Variants in TYW1 observed in about 807,000 individuals in gnomAD.
The protein encoded by TYW1 is S-adenosyl-L-methionine-dependent tRNA 4-demethylwyosine synthase TYW1.
In TYW1, 46 loss-of-function variants were observed where a neutral mutation model predicts 96.2. The observed-to-expected ratio is 0.48, with a 90% CI of 0.38 to 0.61. The LOEUF is 0.61. Among genes scored for constraint, TYW1 ranks in the 20% least tolerant of loss-of-function variants. The pLI is 0.00. For synonymous variants in TYW1, 274 were observed against 323.0 expected (o/e 0.85, Z 1.63); for missense variants, 684 against 909.6 (o/e 0.75, Z 3.19).
intron 3 of TYW1, among the ~76,000 whole-genome samples, chr7:67,000,026 C>T (rs1793325312): frequency 6.6e-6 from 1 of 151,876 alleles, no homozygotes; most frequent in Non-Finnish European, 1.5e-5. Flanking sequence ...ACCTCTGCCT[C>T]TCGGGCTCAA....
intron 14 of TYW1, among the ~76,000 whole-genome samples, chr7:67,193,759 C>CAAAAAAA (rs35069275): frequency 8.6e-6 from 1 of 116,178 alleles, no homozygotes; most frequent in Non-Finnish European, 1.8e-5. Flanking sequence ...GACTCTGTCT[C>CAAAAAAA]AAAAAAAAAA....
chr7:67,004,589 T>G (rs1161150465), intron 3 of TYW1, among the ~76,000 whole-genome samples: 1 of 152,246 alleles, frequency 6.6e-6, no homozygotes, highest in African/African-American at 2.4e-5. Flanking sequence ...CTTTTTATGG[T>G]GGCCCATAAC....
chr7:67,094,710 A>C (rs1584552917), intron 11 of TYW1, among the ~76,000 whole-genome samples: 1 of 151,474 alleles, frequency 6.6e-6, no homozygotes, highest in Non-Finnish European at 1.5e-5. Context: ...GCTGACACCA[A>C]TACCTTAACT....
chr7:67,090,689 C>T (rs191349587), intron 11 of TYW1, among the ~76,000 whole-genome samples: 216 of 152,102 alleles, frequency 1.4e-3, no homozygotes, highest in African/African-American at 4.7e-3. Context: ...TGTGCATGTG[C>T]GTGTATGTGT....
chr7:67,233,905 G>A lies in TYW1; in HGVS notation c.1978-4403G>A, dbSNP rs1191814355. On this transcript the variant is annotated intron_variant, in intron 15 of 15. Transcript: ENST00000359626. ...ACTTACTCTTAAGGACTGAATGTTT[G>A]TGGCCCCCCTCCCCTCCCAAGTTCA... Among the ~76,000 whole-genome samples the A allele has an allele frequency of 4.4e-5, 6 of 135,846 alleles. No homozygotes were observed. The East Asian group carries it at 1.2e-3, about 27-fold the overall frequency. 89.1% of individuals were successfully genotyped at this position (135,846 alleles called of 152,430 possible). A position where few individuals can be genotyped will look rare whatever the true frequency, so the allele number is the denominator to read the frequency against.
At chr7:67,053,943 A>G (rs957285180) in intron 8 of TYW1, among the ~76,000 whole-genome samples, 3 of 152,192 alleles carry the variant, frequency 2.0e-5, no homozygotes, top group African/African-American at 7.2e-5. Flanking sequence ...TCCAAACTCA[A>G]GAGTCCACTG....
intron 15 of TYW1, among the ~76,000 whole-genome samples, chr7:67,210,288 G>T (rs988834944): frequency 6.6e-5 from 10 of 152,152 alleles, no homozygotes; most frequent in African/African-American, 2.4e-4. Context: ...GAATTTTTAG[G>T]AGGAAGATCA....
chr7:67,233,774 C>T (rs1218513072), intron 15 of TYW1, among the ~76,000 whole-genome samples: 1 of 136,048 alleles, frequency 7.4e-6, no homozygotes, highest in East Asian at 2.0e-4. Flanking sequence ...TTGATTTTTT[C>T]TGAGCTGTGA....
intron 13 of TYW1, among the ~76,000 whole-genome samples, chr7:67,150,469 T>C (rs1198153547): frequency 2.0e-5 from 3 of 152,208 alleles, no homozygotes; most frequent in Non-Finnish European, 4.4e-5. Flanking sequence ...AACATCTGTG[T>C]GATAGGGGAA....
intron 6 of TYW1, among the ~76,000 whole-genome samples, chr7:67,023,825 C>T (rs756412746): frequency 6.6e-6 from 1 of 152,136 alleles, no homozygotes; most frequent in Non-Finnish European, 1.5e-5. Flanking sequence ...ACGTTTTATT[C>T]TGCCTTATCC....
intron 13 of TYW1, among the ~76,000 whole-genome samples, chr7:67,171,454 G>A (rs1386725624): frequency 6.6e-6 from 1 of 151,948 alleles, no homozygotes; most frequent in African/African-American, 2.4e-5. Flanking sequence ...CTAGGTCTTG[G>A]AGGAGAGTTA....
chr7:67,059,096 GTTTT>G (rs557933957), intron 9 of TYW1, among the ~76,000 whole-genome samples: 4 of 124,592 alleles, frequency 3.2e-5, no homozygotes, highest in African/African-American at 2.9e-5. Context: ...TGAAGACAAA[GTTTT>G]TTTTTTTTTT....
At chr7:67,225,107 C>G (rs2116429127) in intron 15 of TYW1, among the ~76,000 whole-genome samples, 1 of 149,046 alleles carries the variant, frequency 6.7e-6, no homozygotes, top group East Asian at 2.0e-4. Context: ...TGGAAAATCA[C>G]TTGAACCCAG....
intron 15 of TYW1, among the ~76,000 whole-genome samples, chr7:67,207,877 T>A: frequency 6.6e-6 from 1 of 152,014 alleles, no homozygotes; most frequent in Non-Finnish European, 1.5e-5. Context: ...CCTGACACCA[T>A]GCCCAGCTAT....
At chr7:67,145,850 G>T (rs542576757) in intron 13 of TYW1, among the ~76,000 whole-genome samples, 1 of 152,180 alleles carries the variant, frequency 6.6e-6, no homozygotes, top group South Asian at 2.1e-4. Flanking sequence ...TGCCTCCTGG[G>T]CTTAAGCAAT....
At chr7:67,139,792 T>C (rs1344133569) in intron 13 of TYW1, among the ~76,000 whole-genome samples, 1 of 149,722 alleles carries the variant, frequency 6.7e-6, no homozygotes, top group Non-Finnish European at 1.5e-5. Flanking sequence ...TAAATTCAGG[T>C]CCTCAAACTG....
intron 9 of TYW1, among the ~76,000 whole-genome samples, chr7:67,059,325 G>T (rs372861346): frequency 2.0e-5 from 3 of 151,214 alleles, no homozygotes; most frequent in African/African-American, 7.3e-5. Flanking sequence ...GGATGGTCTC[G>T]ATCTCCTGAC....
chr7:67,141,793 T>C (rs1798458670), intron 13 of TYW1, among the ~76,000 whole-genome samples: 1 of 152,198 alleles, frequency 6.6e-6, no homozygotes. Context: ...CCCGGCACTT[T>C]GGGAGGCCAA....
intron 4 of TYW1, among the ~76,000 whole-genome samples, chr7:67,011,887 AAAG>A (rs1180849412): frequency 4.0e-5 from 6 of 151,892 alleles, no homozygotes; most frequent in Non-Finnish European, 7.4e-5. Flanking sequence ...AAAAAAAAAA[AAAG>A]AAGCAGCACA....
Sources: allele counts gnomAD v4.1 joint callset (sites outside exome capture counted in the v4.1 genomes callset), GRCh38; gene constraint gnomAD v4.1.1; transcripts MANE v1.5; gene names NCBI Gene and HGNC (gene_info 2026-07-23, HGNC 2026-07-21).